Variants in BRINP1 observed in about 807,000 individuals in gnomAD.
The protein encoded by BRINP1 is BMP/retinoic acid inducible neural specific 1, also known as BMP/retinoic acid-inducible neural-specific protein 1.
BRINP1 carries 17 observed loss-of-function variants against 72.9 expected under a neutral mutation model. The ratio of observed to expected loss-of-function variants is 0.23; its 90% confidence interval spans 0.16 to 0.35. The LOEUF is 0.35. Ranked by LOEUF, BRINP1 falls within the 10% of genes least tolerant of loss-of-function variation. The probability of loss-of-function intolerance (pLI) is 1.00; values close to 1 mark genes in which losing one functional copy is unlikely to be tolerated. For synonymous variants in BRINP1, 418 were observed against 378.5 expected (o/e 1.10, Z -1.21); for missense variants, 850 against 1,001.6 (o/e 0.85, Z 2.04).
rs113381363 is a variant in BRINP1 at position 119,281,024 on chromosome 9, G to A, written c.219-31874C>T. Among the ~76,000 whole-genome samples, 742 of 152,286 alleles carry A rather than the reference G, an allele frequency of 4.9e-3. 1 individual carries two copies. Among genetic ancestry groups the A allele is most frequent in the Non-Finnish European group, 8.2e-3 (558 of 68,022 alleles). ...GAAACATTCTCTGCACCACCCAGAGGTACAGGAAAGGCAGATGCTGGAGTT... is the reference window on the plus strand; with the variant it reads ...GAAACATTCTCTGCACCACCCAGAGATACAGGAAAGGCAGATGCTGGAGTT... On this transcript the variant is annotated intron_variant, in intron 2 of 7. Coordinates refer to ENST00000265922, the MANE Select transcript of BRINP1 (RefSeq NM_014618.3).
At chr9:119,310,495 GC>G (rs1831050108) in intron 2 of BRINP1, among the ~76,000 whole-genome samples, 1 of 152,186 alleles carries the variant, frequency 6.6e-6, no homozygotes, top group Non-Finnish European at 1.5e-5. Context: ...ATGAGCAGAA[GC>G]CAGCCTCTGT....
chr9:119,320,751 A>C (rs2119003525), intron 1 of BRINP1, among the ~76,000 whole-genome samples: 1 of 152,304 alleles, frequency 6.6e-6, no homozygotes, highest in Middle Eastern at 3.4e-3. Context: ...GCTCGGCTAT[A>C]ATCAGAAGTC....
chr9:119,300,842 G>A (rs912179641), intron 2 of BRINP1, among the ~76,000 whole-genome samples: 1 of 152,154 alleles, frequency 6.6e-6, no homozygotes, highest in Non-Finnish European at 1.5e-5. Context: ...AGAAACTACA[G>A]CTATTGATTA....
intron 5 of BRINP1, among the ~76,000 whole-genome samples, chr9:119,237,621 C>T (rs1830205208): frequency 6.6e-6 from 1 of 151,718 alleles, no homozygotes; most frequent in Admixed American, 6.6e-5. Flanking sequence ...CTCGGCCTCC[C>T]AAAGTGCTGG....
intron 2 of BRINP1, among the ~76,000 whole-genome samples, chr9:119,311,316 C>G (rs954587006): frequency 2.0e-5 from 3 of 152,162 alleles, no homozygotes; most frequent in South Asian, 2.1e-4. Flanking sequence ...TTGACTTTGG[C>G]TAAATCTTAA....
At chr9:119,347,210 C>T (rs1831460835) in intron 1 of BRINP1, among the ~76,000 whole-genome samples, 1 of 152,166 alleles carries the variant, frequency 6.6e-6, no homozygotes, top group African/African-American at 2.4e-5. Context: ...CACAGCCCCT[C>T]CCTTTACTAG....
At position 119,167,134 on chromosome 9, in the gene BRINP1, T is replaced by C. The variant is rs565230457; in HGVS notation, c.2236A>G (p.Asn746Asp). ...IRVNHALDLYNTEILKQSDQM... is the reference protein window; with the variant it reads ...IRVNHALDLYDTEILKQSDQM... ...TCCGACTGTTTGAGGATCTCCGTGT[T>C]GTACAGGTCCAAGGCGTGGTTCACC... Residue 746 changes from asparagine to aspartate, a missense_variant, in exon 8 of 8, where the codon AAC becomes GAC. Asn to Asp is a conservative substitution (Grantham distance 23). Coordinates refer to ENST00000265922, the MANE Select transcript of BRINP1 (RefSeq NM_014618.3). The surrounding 1 kb of genome is among the most constrained non-coding windows in gnomAD (Gnocchi z 4.3). 6.2e-7 allele frequency: 1 copy of C among 1,614,016 alleles called. No individual in the cohort carries two copies. The highest frequency in any genetic ancestry group is 8.5e-7 in the Non-Finnish European group (1 of 1,179,978).
At chr9:119,171,077 C>T (rs951715253) in intron 7 of BRINP1, among the ~76,000 whole-genome samples, 10 of 149,806 alleles carry the variant, frequency 6.7e-5, no homozygotes, top group African/African-American at 1.0e-4. Context: ...CATCAACTAA[C>T]GAGCAAAATA....
intron 2 of BRINP1, among the ~76,000 whole-genome samples, chr9:119,251,986 TTCTCTG>T (rs1382548369): frequency 6.6e-6 from 1 of 152,160 alleles, no homozygotes; most frequent in Non-Finnish European, 1.5e-5. Context: ...CTCTATGTCT[TTCTCTG>T]TCTCTGTCTC....
Position 119,303,322 on chromosome 9 carries a change from A to ACC in BRINP1, c.218+9815_218+9816insGG. Among the ~76,000 whole-genome samples the ACC allele has an allele frequency of 1.4e-5, 2 of 147,158 alleles. 1 individual carries two copies. The highest frequency in any genetic ancestry group is 4.3e-4 in the South Asian group (2 of 4,612). The stretch of plus-strand genomic sequence containing the variant: ...CACACACACACACACACACACACAC[A>ACC]CAGCCTGCCTTGAAATGCTGCTGAT... On this transcript the variant is annotated intron_variant, in intron 2 of 7. Coordinates refer to ENST00000265922, the MANE Select transcript of BRINP1 (RefSeq NM_014618.3).
intron 2 of BRINP1, among the ~76,000 whole-genome samples, chr9:119,302,722 A>T (rs1325364768): frequency 6.6e-6 from 1 of 152,224 alleles, no homozygotes; most frequent in Non-Finnish European, 1.5e-5. Context: ...CCCCTCCTCT[A>T]AACCCTACTT....
chr9:119,311,631 AAG>A (rs975572358), intron 2 of BRINP1, among the ~76,000 whole-genome samples: 3 of 152,220 alleles, frequency 2.0e-5, no homozygotes, highest in African/African-American at 7.2e-5. Context: ...CAGAATGCAA[AAG>A]ATGAAGGAGC....
intron 2 of BRINP1, among the ~76,000 whole-genome samples, chr9:119,300,821 T>C (rs1052408851): frequency 2.0e-5 from 3 of 152,248 alleles, no homozygotes; most frequent in Non-Finnish European, 1.5e-5. Context: ...TCTTGCCTTA[T>C]GTGCTATATC....
chr9:119,266,665 C>CCT (rs1247272509), intron 2 of BRINP1, among the ~76,000 whole-genome samples: 1 of 152,124 alleles, frequency 6.6e-6, no homozygotes, highest in Non-Finnish European at 1.5e-5. Context: ...TTTCTCCTAC[C>CCT]CTCAGTCTCT....
chr9:119,201,739 C>T (rs1408428216), intron 7 of BRINP1, among the ~76,000 whole-genome samples: 3 of 152,144 alleles, frequency 2.0e-5, no homozygotes, highest in Admixed American at 6.5e-5. Flanking sequence ...GGAGGACCAA[C>T]GCACAGTTGC....
intron 7 of BRINP1, among the ~76,000 whole-genome samples, chr9:119,184,947 C>T (rs1317734473): frequency 6.6e-6 from 1 of 152,142 alleles, no homozygotes; most frequent in East Asian, 1.9e-4. Context: ...TTTCCAAAGA[C>T]TTTTGCACAC....
intron 4 of BRINP1, among the ~76,000 whole-genome samples, chr9:119,240,913 T>G (rs990312429): frequency 1.3e-5 from 2 of 152,218 alleles, no homozygotes; most frequent in Non-Finnish European, 2.9e-5. Flanking sequence ...GAGTAAAGAC[T>G]GAGATGTAAA....
chr9:119,193,321 G>A (rs1829701605), intron 7 of BRINP1, among the ~76,000 whole-genome samples: 1 of 151,930 alleles, frequency 6.6e-6, no homozygotes, highest in South Asian at 2.1e-4. Flanking sequence ...TCCAGACACG[G>A]AAATACAAAT....
intron 2 of BRINP1, among the ~76,000 whole-genome samples, chr9:119,272,169 C>G (rs1830614466): frequency 6.6e-6 from 1 of 151,480 alleles, no homozygotes; most frequent in South Asian, 2.1e-4. Flanking sequence ...ACCTCCGCCT[C>G]CCGGGTTCAA....
Sources: allele counts gnomAD v4.1 joint callset (sites outside exome capture counted in the v4.1 genomes callset), GRCh38; gene constraint gnomAD v4.1.1; non-coding constraint Gnocchi (gnomAD v3.1); transcripts MANE v1.5; gene names NCBI Gene and HGNC (gene_info 2026-07-23, HGNC 2026-07-21).